The following CCNC variants were observed in gnomAD, a reference collection of about 807,000 sequenced individuals.
The protein encoded by CCNC is cyclin-C.
Under a neutral mutation model 50.0 loss-of-function variants are expected in CCNC, and 19 were observed. That is an observed-to-expected ratio of 0.38 (90% CI 0.27 to 0.56). The LOEUF (loss-of-function observed/expected upper bound fraction) is 0.56, where lower values mean the gene tolerates loss of function less well. Ranked by LOEUF, CCNC falls within the 20% of genes least tolerant of loss-of-function variation. The pLI is 0.72. For synonymous variants in CCNC, 93 were observed against 103.7 expected, an observed-to-expected ratio of 0.90 and a Z score of 0.63; for missense variants, 200 against 327.1, an observed-to-expected ratio of 0.61 and a Z score of 3.00.
chr6:99,568,308 A>C (rs1453816677), intron 1 of CCNC, 188 bp downstream of exon 1: 2 of 601,976 alleles, frequency 3.3e-6, no homozygotes, highest in Admixed American at 3.0e-5. Context: ...CCCTCCCCGA[A>C]ACTGGGGCTG....
intron 9 of CCNC, 97 bp downstream of exon 9, chr6:99,549,411 A>T (rs1196188064): frequency 1.2e-6 from 1 of 807,478 alleles, no homozygotes; most frequent in African/African-American, 1.7e-5. Context: ...TTCATGGAAC[A>T]TAAAAACATA....
intron 1 of CCNC, chr6:99,566,969 T>G (rs1451739661): frequency 4.4e-6 from 2 of 454,212 alleles, no homozygotes; most frequent in Non-Finnish European, 8.8e-6. Flanking sequence ...ACTCGTTACC[T>G]TTTCCAGATA....
In CCNC at chr6:99,543,445, C is replaced by A; in HGVS notation, c.*110G>T. On this transcript the variant is annotated 3_prime_UTR_variant, in exon 12 of 12. Coordinates refer to ENST00000520429, the MANE Select transcript of CCNC (RefSeq NM_005190.4). ...AAAAATAAAATCACTTTCCAATATGCTTGACAGAAACAAGCTATTCATTTT... is the reference window on the plus strand; with the variant it reads ...AAAAATAAAATCACTTTCCAATATGATTGACAGAAACAAGCTATTCATTTT... 2 of 1,194,548 alleles carry A rather than the reference C, an allele frequency of 1.7e-6. No individual in the cohort carries two copies. The highest frequency in any genetic ancestry group is 2.0e-5 in the Admixed American group (1 of 50,620). The allele number at this position is 1,194,548 out of a possible 1,614,324, so 74.0% of individuals were successfully genotyped here. A position where few individuals can be genotyped will look rare whatever the true frequency, so the allele number is the denominator to read the frequency against.
chr6:99,548,301 C>T (rs1392755612), intron 9 of CCNC, among the ~76,000 whole-genome samples: 1 of 152,104 alleles, frequency 6.6e-6, no homozygotes, highest in Non-Finnish European at 1.5e-5. Flanking sequence ...ATGCAGATCC[C>T]AGTATTCCTA....
At chr6:99,555,036 C>CG (rs1295355380) in intron 5 of CCNC, among the ~76,000 whole-genome samples, 3 of 152,200 alleles carry the variant, frequency 2.0e-5, no homozygotes, top group African/African-American at 7.2e-5. Context: ...ATGAGAAACC[C>CG]GGCTCTCAAA....
At chr6:99,546,155 G>C (rs1802061527) in intron 10 of CCNC, among the ~76,000 whole-genome samples, 1 of 151,872 alleles carries the variant, frequency 6.6e-6, no homozygotes, top group African/African-American at 2.4e-5. Context: ...CAGTAGAGAC[G>C]GGGTTTCACC....
At chr6:99,549,603 T>A in intron 8 of CCNC, 28 bp from the exon 9 acceptor site, 1 of 1,433,128 alleles carries the variant, frequency 7.0e-7, no homozygotes, top group Non-Finnish European at 9.8e-7. Context: ...ATATTATTAC[T>A]GAAAGCAGAA....
Position 99,555,572 on chromosome 6 carries a change from A to T in CCNC, c.346+2925T>A, listed in dbSNP as rs945844487. Among the ~76,000 whole-genome samples, 3 of 152,172 alleles carry T rather than the reference A, an allele frequency of 2.0e-5. No individual in the cohort carries two copies. In the South Asian group the frequency reaches 6.2e-4, roughly 32 times the overall value. On this transcript the variant is annotated intron_variant, in intron 5 of 11. Coordinates refer to ENST00000520429, the MANE Select transcript of CCNC (RefSeq NM_005190.4). ...CCCACTTCAGCCTAGTTGAGTAGCT[A>T]GGACTACAGGTGTGTGCCACCATGC...
chr6:99,552,110 C>A (rs937478025), intron 5 of CCNC, among the ~76,000 whole-genome samples: 1 of 151,808 alleles, frequency 6.6e-6, no homozygotes, highest in Non-Finnish European at 1.5e-5. Context: ...ATATTTACTA[C>A]CTTAAGAAAG....
Position 99,562,835 on chromosome 6 carries a change from A to C in CCNC, c.139+7T>G. Reference sequence around the variant, plus strand: ...TACAATTTGAACCAATTTTTAAAAAAGTTTACCATTTGTAAAAAATATTTG... The same window carrying C: ...TACAATTTGAACCAATTTTTAAAAACGTTTACCATTTGTAAAAAATATTTG... On this transcript the variant is annotated splice_region_variant and intron_variant, in intron 2 of 11. Transcript: ENST00000520429. 1.3e-6 allele frequency: 2 copies of C among 1,501,668 alleles called. No individual in the cohort carries two copies. Among genetic ancestry groups the C allele is most frequent in the Middle Eastern group, 1.7e-4 (1 of 5,832 alleles). 93.0% of individuals were successfully genotyped at this position (1,501,668 alleles called of 1,614,324 possible). A position where few individuals can be genotyped will look rare whatever the true frequency, so the allele number is the denominator to read the frequency against.
chr6:99,549,494 C>A lies in CCNC; in HGVS notation c.598+14G>T, dbSNP rs1802208055. 1 of 1,580,802 alleles carries A rather than the reference C, an allele frequency of 6.3e-7. No homozygotes were observed. Among genetic ancestry groups the A allele is most frequent in the South Asian group, 1.1e-5 (1 of 90,152 alleles). On this transcript the variant is annotated intron_variant, in intron 9 of 11. Transcript: ENST00000520429. ...TAACAATTTAACTCATAAAGGCACA[C>A]CATGCTTACATACCTAAAGCTATCA...
intron 5 of CCNC, among the ~76,000 whole-genome samples, chr6:99,555,178 C>T (rs538478634): frequency 1.3e-5 from 2 of 152,224 alleles, no homozygotes; most frequent in South Asian, 4.1e-4. Flanking sequence ...GTTCCTTTTG[C>T]CTTTACTCTT....
rs1204306736 is a variant in CCNC, at chr6:99,544,282, A to T, written c.798-673T>A. ...AATCACTCAGGGAATTTCTGCAAAA[A>T]ATGCATCCAAAGGTAGCTGTTTGAA... On this transcript the variant is annotated intron_variant, in intron 11 of 11. Transcript: ENST00000520429. 3.3e-6 allele frequency: 5 copies of T among 1,534,786 alleles called. No homozygotes were observed. In the South Asian group the frequency reaches 6.0e-5, roughly 18 times the overall value.
chr6:99,561,675 T>C lies in CCNC; in HGVS notation c.146A>G (p.Gln49Arg). ...TAATTTAAGATGTTCACCTAATGCT[T>C]GGATAACTAAAAGGCAAATAATGAA... is the stretch of plus-strand genomic sequence containing the variant. ...KLQIFFTNVI[Q>R]ALGEHLKLRQ... is the part of the protein sequence containing the mutation. The change falls in exon 3 of 12, where the codon CAA becomes CGA. Residue 49 changes from glutamine (Q) to arginine (R), a missense_variant. Coordinates refer to ENST00000520429, the MANE Select transcript of CCNC (RefSeq NM_005190.4). 1 of 1,596,772 alleles carries C rather than the reference T, an allele frequency of 6.3e-7. No homozygotes were observed. Among genetic ancestry groups the C allele is most frequent in the Non-Finnish European group, 8.6e-7 (1 of 1,165,218 alleles).
In CCNC at chr6:99,561,800, A is replaced by T. The variant is rs540477831; in HGVS notation, c.140-119T>A. 427 of 658,914 alleles carry T rather than the reference A, an allele frequency of 6.5e-4. 3 individuals carry two copies. The African/African-American group carries it at 7.1e-3, about 11-fold the overall frequency. 40.8% of individuals were successfully genotyped at this position (658,914 alleles called of 1,614,324 possible). On this transcript the variant is annotated intron_variant, in intron 2 of 11. Transcript: ENST00000520429. ...ATGTTCATTTTTAACAAAGGAAAAA[A>T]CCTACACATGCTCTATGTGAGTCAC...
intron 1 of CCNC, among the ~76,000 whole-genome samples, chr6:99,566,643 G>A (rs1323248091): frequency 6.6e-6 from 1 of 152,058 alleles, no homozygotes; most frequent in Non-Finnish European, 1.5e-5. Flanking sequence ...GTCATTTTAT[G>A]TTTTTAAAAA....
chr6:99,563,291 ATGG>A (rs1768930978), intron 1 of CCNC, among the ~76,000 whole-genome samples: 1 of 152,194 alleles, frequency 6.6e-6, no homozygotes, highest in Admixed American at 6.5e-5. Context: ...ATATAAGATA[ATGG>A]TGGAATTATT....
intron 9 of CCNC, among the ~76,000 whole-genome samples, chr6:99,548,724 A>G (rs369140833): frequency 4.7e-4 from 70 of 148,332 alleles, no homozygotes; most frequent in African/African-American, 1.6e-3. Flanking sequence ...AATCGCTTGA[A>G]CCCAGGAGGC....
intron 1 of CCNC, among the ~76,000 whole-genome samples, chr6:99,564,723 CAA>C (rs148402617): frequency 0.077 from 11,689 of 152,010 alleles, 575 homozygotes; most frequent in South Asian, 0.12. Context: ...AAATTTCTCC[CAA>C]GTTTAAATAT....
Sources: gnomAD v4.1 joint callset for allele counts (sites outside exome capture counted in the v4.1 genomes callset) on GRCh38, gnomAD v4.1.1 for gene constraint, MANE v1.5 for transcripts, NCBI Gene and HGNC (gene_info 2026-07-23, HGNC 2026-07-21) for gene names.